Variants in MYO9A observed in about 807,000 individuals in gnomAD.
The protein encoded by MYO9A is unconventional myosin-IXa.
A neutral mutation model predicts 293.3 loss-of-function variants in MYO9A; 103 were observed. The observed-to-expected ratio is 0.35, with a 90% CI of 0.30 to 0.41. The LOEUF (loss-of-function observed/expected upper bound fraction) is 0.41, where lower values mean the gene tolerates loss of function less well. MYO9A is among the 10% of genes least tolerant of loss of function. The pLI is 1.00. For synonymous variants in MYO9A, 1,001 were observed against 1,035.7 expected (o/e 0.97, Z 0.64); for missense variants, 2,685 against 3,033.0 (o/e 0.89, Z 2.69).
In MYO9A at chr15:71,897,902, T is replaced by C; in HGVS notation, c.4601A>G (p.Glu1534Gly). 2 of 1,614,176 alleles carry C rather than the reference T, an allele frequency of 1.2e-6. No homozygotes were observed. Among genetic ancestry groups the C allele is most frequent in the African/African-American group, 1.3e-5 (1 of 75,064 alleles). ...CAAACACTCTCCAATTCTTGGCTTTTCAATTGTCTTGAAGGCTTTGCGCTC... is the reference window on the plus strand; with the variant it reads ...CAAACACTCTCCAATTCTTGGCTTTCCAATTGTCTTGAAGGCTTTGCGCTC... ...EKERKAFKTI[E>G]KPRIGECLVA... The change falls in exon 25 of 42, where the codon GAA becomes GGA. Residue 1534 changes from glutamate (E) to glycine (G), a missense_variant. By Grantham distance (98) the Glu-to-Gly change is moderately conservative. Transcript: ENST00000356056.
Position 72,077,733 on chromosome 15 carries a change from GAAAA to G in MYO9A, c.-71-31103_-71-31100del, listed in dbSNP as rs60518266. On this transcript the variant is annotated intron_variant, in intron 1 of 41. Transcript: ENST00000356056. ...CAACAGAGTGAGACTCTGTCTCAAA[GAAAA>G]AAAAAAAAAAAAAAAATATATATAT... Among the ~76,000 whole-genome samples the G allele has an allele frequency of 0.014, 1,253 of 87,134 alleles. 22 individuals carry two copies. The East Asian group carries it at 0.19, about 13-fold the overall frequency. The allele number at this position is 87,134 out of a possible 152,430, so 57.2% of individuals were successfully genotyped here. A position where few individuals can be genotyped will look rare whatever the true frequency, so the allele number is the denominator to read the frequency against.
At chr15:71,954,740 G>A (rs926435071) in intron 14 of MYO9A, among the ~76,000 whole-genome samples, 2 of 152,084 alleles carry the variant, frequency 1.3e-5, no homozygotes, top group Non-Finnish European at 2.9e-5. Context: ...TTCTTATGCA[G>A]GACCAGCAAT....
intron 19 of MYO9A, among the ~76,000 whole-genome samples, chr15:71,907,121 C>G (rs1397293462): frequency 1.4e-5 from 2 of 145,480 alleles, no homozygotes; most frequent in African/African-American, 2.6e-5. Flanking sequence ...AGTCCCCAGA[C>G]TGTGATGTTC....
At chr15:72,044,353 C>T (rs1341746807) in intron 2 of MYO9A, among the ~76,000 whole-genome samples, 1 of 151,820 alleles carries the variant, frequency 6.6e-6, no homozygotes, top group East Asian at 1.9e-4. Flanking sequence ...CTGCGGTGAG[C>T]CGAGACCGCA....
At chr15:72,100,694 G>A (rs916699106) in intron 1 of MYO9A, among the ~76,000 whole-genome samples, 5 of 150,562 alleles carry the variant, frequency 3.3e-5, no homozygotes, top group East Asian at 2.0e-4. Flanking sequence ...CCGCCGCCCC[G>A]TCTGAGAAGT....
Position 71,960,957 on chromosome 15 carries a change from G to C in MYO9A, c.1987-861C>G, listed in dbSNP as rs1418681168. ...GGAGCACTGGGGACAAGGAGAAAGT[G>C]TGGAAGATTAGATAAATAAATAGGC... On this transcript the variant is annotated intron_variant, in intron 13 of 41. Transcript: ENST00000356056. Among the ~76,000 whole-genome samples the C allele has an allele frequency of 3.3e-5, 5 of 152,252 alleles. No individual in the cohort carries two copies. The East Asian group carries it at 5.8e-4, about 18-fold the overall frequency.
At chr15:71,956,330 A>AATATATATATATAT (rs1555490832) in intron 14 of MYO9A, among the ~76,000 whole-genome samples, 36 of 75,556 alleles carry the variant, frequency 4.8e-4, no homozygotes, top group East Asian at 1.2e-3. Flanking sequence ...AAAAAAAAAA[A>AATATATATATATAT]ATATATATAT....
chr15:71,943,127 C>G (rs1397069558), intron 15 of MYO9A, among the ~76,000 whole-genome samples: 5 of 151,768 alleles, frequency 3.3e-5, no homozygotes, highest in Non-Finnish European at 7.4e-5. Flanking sequence ...TTAAATAATA[C>G]TTGTTTCTGG....
rs117938826 is a variant in MYO9A at position 72,093,485 on chromosome 15, G to A, written c.-72+24195C>T. On this transcript the variant is annotated intron_variant, in intron 1 of 41. Coordinates refer to ENST00000356056, the MANE Select transcript of MYO9A (RefSeq NM_006901.4). Reference sequence around the variant, plus strand: ...CAAGGGAAAGAGGCTGCAGTGAGCCGAGATCACACCACTGCACTCCGCCCT... The same window carrying A: ...CAAGGGAAAGAGGCTGCAGTGAGCCAAGATCACACCACTGCACTCCGCCCT... Among the ~76,000 whole-genome samples the A allele has an allele frequency of 2.5e-3, 373 of 151,534 alleles. 4 individuals carry two copies. In the East Asian group the frequency reaches 0.048, roughly 19 times the overall value.
chr15:72,006,066 A>G (rs1251520793), intron 8 of MYO9A, among the ~76,000 whole-genome samples: 1 of 152,144 alleles, frequency 6.6e-6, no homozygotes, highest in Non-Finnish European at 1.5e-5. Context: ...AGTCACAGAA[A>G]GACATGAATG....
At chr15:72,004,423 G>A (rs1398180208) in intron 8 of MYO9A, among the ~76,000 whole-genome samples, 1 of 152,110 alleles carries the variant, frequency 6.6e-6, no homozygotes, top group Non-Finnish European at 1.5e-5. Flanking sequence ...CGGGCATGGT[G>A]GCGCATACCT....
intron 7 of MYO9A, 31 bp from the exon 8 acceptor site, chr15:72,007,983 G>A: frequency 6.3e-7 from 1 of 1,588,522 alleles, no homozygotes; most frequent in Non-Finnish European, 8.5e-7. Context: ...TTATAGCTTA[G>A]TTGTGTCCAT....
chr15:71,938,164 C>T (rs557857656), intron 16 of MYO9A, among the ~76,000 whole-genome samples: 8 of 152,146 alleles, frequency 5.3e-5, no homozygotes, highest in East Asian at 1.9e-4. Flanking sequence ...TAGAAAGACA[C>T]GGTGACTCAA....
At chr15:72,104,475 A>G (rs1185834617) in intron 1 of MYO9A, among the ~76,000 whole-genome samples, 1 of 152,206 alleles carries the variant, frequency 6.6e-6, no homozygotes, top group Non-Finnish European at 1.5e-5. Flanking sequence ...TCTGGTACCT[A>G]GTGTGCATTT....
intron 30 of MYO9A, among the ~76,000 whole-genome samples, chr15:71,879,213 C>T (rs1381870341): frequency 6.6e-6 from 1 of 152,142 alleles, no homozygotes; most frequent in Non-Finnish European, 1.5e-5. Context: ...TAATTGCACA[C>T]ACCAAAAATA....
intron 1 of MYO9A, among the ~76,000 whole-genome samples, chr15:72,094,211 G>A (rs2080007239): frequency 1.1e-5 from 1 of 86,966 alleles, no homozygotes; most frequent in East Asian, 2.5e-4. Context: ...CTTGTCAAAA[G>A]AAGAAAGAAG....
chr15:72,112,428 C>G (rs1465130772), intron 1 of MYO9A, among the ~76,000 whole-genome samples: 2 of 152,182 alleles, frequency 1.3e-5, no homozygotes, highest in African/African-American at 4.8e-5. Context: ...CTATACCTAT[C>G]CCAAGCATAT....
At chr15:71,921,643 A>G (rs192461188) in intron 18 of MYO9A, among the ~76,000 whole-genome samples, 17 of 152,338 alleles carry the variant, frequency 1.1e-4, no homozygotes, top group African/African-American at 4.1e-4. Context: ...TAAACAGGAG[A>G]TATTTTTAAT....
chr15:71,928,065 T>TTTTA (rs2058374229), intron 18 of MYO9A, among the ~76,000 whole-genome samples: 1 of 13,378 alleles, frequency 7.5e-5, no homozygotes, highest in African/African-American at 1.7e-4. Flanking sequence ...TATTTTTTTT[T>TTTTA]TTTTTTTTTT....
Sources: gnomAD v4.1 joint callset for allele counts (sites outside exome capture counted in the v4.1 genomes callset) on GRCh38, gnomAD v4.1.1 for gene constraint, MANE v1.5 for transcripts, NCBI Gene and HGNC (gene_info 2026-07-23, HGNC 2026-07-21) for gene names.